Variants in SLCO1A2 observed in about 807,000 individuals in gnomAD.
The protein encoded by SLCO1A2 is OATP-1.
A neutral mutation model predicts 69.0 loss-of-function variants in SLCO1A2; 67 were observed. The observed-to-expected ratio is 0.97, with a 90% confidence interval of 0.80 to 1.19. The LOEUF (loss-of-function observed/expected upper bound fraction) is 1.19. Ranked by LOEUF, SLCO1A2 falls within the 50% of genes most tolerant of loss-of-function variation. The pLI, the probability that SLCO1A2 is intolerant of heterozygous loss-of-function variation, is 0.00. For synonymous variants in SLCO1A2, 260 were observed against 265.9 expected (o/e 0.98, Z 0.22); for missense variants, 787 against 793.7 (o/e 0.99, Z 0.10).
intron 2 of SLCO1A2, among the ~76,000 whole-genome samples, chr12:21,364,415 T>C (rs1026311984): frequency 6.6e-6 from 1 of 152,164 alleles, no homozygotes; most frequent in African/African-American, 2.4e-5. Flanking sequence ...ATATGATCTA[T>C]TTATGACAAA....
intron 2 of SLCO1A2, among the ~76,000 whole-genome samples, chr12:21,325,429 A>T (rs1952147697): frequency 6.6e-6 from 1 of 152,116 alleles, no homozygotes; most frequent in African/African-American, 2.4e-5. Flanking sequence ...CTACCCCCAG[A>T]CCATTTTACT....
intron 10 of SLCO1A2, chr12:21,295,263 A>G (rs1026544925): frequency 1.0e-5 from 2 of 197,144 alleles, no homozygotes; most frequent in Non-Finnish European, 1.0e-5. Flanking sequence ...TATAAGATAT[A>G]TGGATAACAT....
chr12:21,358,182 A>T (rs1938524333), intron 2 of SLCO1A2, among the ~76,000 whole-genome samples: 1 of 152,228 alleles, frequency 6.6e-6, no homozygotes, highest in East Asian at 1.9e-4. Context: ...ATAATTTTTT[A>T]AAAGACAACT....
Position 21,295,787 on chromosome 12 carries a change from A to G in SLCO1A2, c.1081T>C (p.Tyr361His). 7.0e-7 allele frequency: 1 copy of G among 1,427,044 alleles called. No individual in the cohort carries two copies. Among genetic ancestry groups the G allele is most frequent in the Non-Finnish European group, 9.8e-7 (1 of 1,021,030 alleles). 88.4% of individuals were successfully genotyped at this position (1,427,044 alleles called of 1,614,324 possible). Residue 361 changes from tyrosine to histidine, a missense_variant, in exon 10 of 15, where the codon TAT (tyrosine) becomes CAT (histidine). Transcript: ENST00000683939. Reference sequence around the variant, plus strand: ...CCAATACATATTGGAGGTAAGTTATAAATACCTATAAATGCAAATAAAATA... The same window carrying G: ...CCAATACATATTGGAGGTAAGTTATGAATACCTATAAATGCAAATAAAATA... ...SSDAIFLMGI[Y>H]NLPPICIGYI...
intron 1 of SLCO1A2, among the ~76,000 whole-genome samples, chr12:21,381,084 G>A (rs776794655): frequency 2.6e-5 from 4 of 152,002 alleles, no homozygotes; most frequent in Non-Finnish European, 5.9e-5. Context: ...GCTTAAGTAT[G>A]TACACTATGA....
chr12:21,353,618 G>A (rs923163579), intron 2 of SLCO1A2, among the ~76,000 whole-genome samples: 1 of 152,174 alleles, frequency 6.6e-6, no homozygotes, highest in Non-Finnish European at 1.5e-5. Context: ...AAAATCTCCT[G>A]TGGACAACTT....
At chr12:21,322,481 G>C (rs1951752943) in intron 2 of SLCO1A2, among the ~76,000 whole-genome samples, 1 of 152,162 alleles carries the variant, frequency 6.6e-6, no homozygotes, top group African/African-American at 2.4e-5. Flanking sequence ...CGAAGCAGGG[G>C]GTTCCCAGTC....
chr12:21,302,949 C>T (rs796374636), intron 6 of SLCO1A2, among the ~76,000 whole-genome samples: 4 of 151,208 alleles, frequency 2.6e-5, no homozygotes, highest in African/African-American at 9.7e-5. Context: ...GCCTCAGCCT[C>T]CCAAAGTGCT....
At chr12:21,275,070 T>C in intron 13 of SLCO1A2, 2 of 1,031,328 alleles carry the variant, frequency 1.9e-6, no homozygotes. Flanking sequence ...TCTGAAATAA[T>C]ATTACCTTGT....
chr12:21,344,681 CA>C (rs545595026), intron 2 of SLCO1A2, among the ~76,000 whole-genome samples: 140 of 152,016 alleles, frequency 9.2e-4, no homozygotes, highest in Non-Finnish European at 1.5e-3. Context: ...AAATTATATG[CA>C]TAAGAGAAAG....
At chr12:21,372,532 G>C (rs1050563267) in intron 2 of SLCO1A2, among the ~76,000 whole-genome samples, 2 of 152,096 alleles carry the variant, frequency 1.3e-5, no homozygotes, top group Non-Finnish European at 2.9e-5. Flanking sequence ...CTTGGGTTTA[G>C]ATATACCAAA....
intron 9 of SLCO1A2, 125 bp from the exon 10 acceptor site, chr12:21,295,917 A>T: frequency 1.7e-6 from 1 of 592,408 alleles, no homozygotes; most frequent in Non-Finnish European, 2.9e-6. Context: ...AAGAAGAATG[A>T]TTTAATTTTA....
intron 2 of SLCO1A2, among the ~76,000 whole-genome samples, chr12:21,320,481 CT>C (rs1165351146): frequency 1.3e-5 from 2 of 151,868 alleles, no homozygotes; most frequent in African/African-American, 4.8e-5. Context: ...CTCTCTCTCT[CT>C]TTTTTGTTTT....
intron 12 of SLCO1A2, among the ~76,000 whole-genome samples, chr12:21,285,520 C>T (rs1476066524): frequency 2.9e-5 from 4 of 137,112 alleles, no homozygotes; most frequent in African/African-American, 1.1e-4. Context: ...AGGCCAGCAT[C>T]ATTCTGATAC....
At chr12:21,276,037 A>C (rs1286286145) in intron 12 of SLCO1A2, among the ~76,000 whole-genome samples, 3 of 152,212 alleles carry the variant, frequency 2.0e-5, no homozygotes, top group Non-Finnish European at 4.4e-5. Flanking sequence ...GTTCTTACTA[A>C]GATTAGAAAA....
At chr12:21,335,619 CATTA>C (rs562722444), upstream of SLCO1A2, among the ~76,000 whole-genome samples, 30 of 152,100 alleles carry the variant, frequency 2.0e-4, no homozygotes, top group African/African-American at 7.2e-4. Flanking sequence ...GTATCCCCAG[CATTA>C]ATTAATTAAG....
intron 2 of SLCO1A2, among the ~76,000 whole-genome samples, chr12:21,330,964 T>C (rs1193790556): frequency 6.6e-6 from 1 of 152,160 alleles, no homozygotes; most frequent in East Asian, 1.9e-4. Flanking sequence ...GGACAAAAAT[T>C]CATCATGCAA....
intron 1 of SLCO1A2, among the ~76,000 whole-genome samples, chr12:21,375,123 T>C (rs1940095782): frequency 6.6e-6 from 1 of 152,204 alleles, no homozygotes; most frequent in Non-Finnish European, 1.5e-5. Flanking sequence ...CAGACCATTA[T>C]GTTTTTATAG....
intron 13 of SLCO1A2, chr12:21,274,833 T>A: frequency 2.5e-6 from 2 of 792,444 alleles, no homozygotes; most frequent in Admixed American, 8.2e-5. Flanking sequence ...TTAAAGATTC[T>A]GAACTTTATA....
Sources: allele counts gnomAD v4.1 joint callset (sites outside exome capture counted in the v4.1 genomes callset), GRCh38; gene constraint gnomAD v4.1.1; transcripts MANE v1.5; gene names NCBI Gene and HGNC (gene_info 2026-07-23, HGNC 2026-07-21).